Variants in METTL6 observed in about 807,000 individuals in gnomAD.
METTL6 encodes methyltransferase 6, tRNA N3-cytidine, also known as tRNA N(3)-cytidine methyltransferase METTL6.
METTL6 carries 22 observed loss-of-function variants against 26.4 expected under a neutral mutation model. The observed-to-expected ratio is 0.83, with a 90% CI of 0.59 to 1.19. The LOEUF (loss-of-function observed/expected upper bound fraction) is 1.19. Ranked by LOEUF, METTL6 falls within the 50% of genes most tolerant of loss-of-function variation. The pLI is 0.00. For synonymous variants in METTL6, 109 were observed against 116.2 expected, an observed-to-expected ratio of 0.94 and a Z score of 0.40; for missense variants, 304 against 324.8, an observed-to-expected ratio of 0.94 and a Z score of 0.49.
intron 6 of METTL6, among the ~76,000 whole-genome samples, chr3:15,393,811 A>G (rs1249368051): frequency 6.6e-6 from 1 of 152,132 alleles, no homozygotes; most frequent in Non-Finnish European, 1.5e-5. Flanking sequence ...ATTGATTTGC[A>G]TATGTTGAAC....
At chr3:15,401,705 T>C (rs1308304646) in intron 6 of METTL6, among the ~76,000 whole-genome samples, 1 of 152,140 alleles carries the variant, frequency 6.6e-6, no homozygotes. Flanking sequence ...CTAATTATAA[T>C]GTATTAGCAT....
At chr3:15,396,491 ATCAAAG>A (rs1423808846) in intron 6 of METTL6, among the ~76,000 whole-genome samples, 1 of 152,190 alleles carries the variant, frequency 6.6e-6, no homozygotes, top group Non-Finnish European at 1.5e-5. Flanking sequence ...CTCTCAACTC[ATCAAAG>A]TCATTCTCCG....
intron 6 of METTL6, among the ~76,000 whole-genome samples, chr3:15,389,602 C>T (rs112813786): frequency 5.6e-4 from 85 of 151,990 alleles, no homozygotes; most frequent in African/African-American, 1.5e-3. Flanking sequence ...CAGGCTGGAG[C>T]GCAATGGCGC....
intron 5 of METTL6, among the ~76,000 whole-genome samples, chr3:15,413,096 T>C (rs1235690067): frequency 6.6e-6 from 1 of 151,938 alleles, no homozygotes; most frequent in African/African-American, 2.4e-5. Context: ...AATACAAAAA[T>C]TAGTTGGGTG....
Position 15,426,639 on chromosome 3 carries a change from C to T in METTL6, c.-124-4G>A. 2.5e-6 allele frequency: 2 copies of T among 802,936 alleles called. No homozygotes were observed. The highest frequency in any genetic ancestry group is 4.0e-6 in the Non-Finnish European group (2 of 506,058). The allele number at this position is 802,936 out of a possible 1,614,324, so 49.7% of individuals were successfully genotyped here. On this transcript the variant is annotated splice_region_variant and splice_polypyrimidine_tract_variant and intron_variant, in intron 1 of 5. Coordinates refer to ENST00000383790, the MANE Select transcript of METTL6 (RefSeq NM_152396.4). The stretch of plus-strand genomic sequence containing the variant: ...ACGCCTCAAACAGCACAGGGGGCTT[C>T]GCAGAGAAAAGAATTAGATTCTGGT...
chr3:15,383,925 T>C (rs1699128294), exon 7 of METTL6: 2 of 221,906 alleles, frequency 9.0e-6, no homozygotes, highest in South Asian at 9.8e-5. Flanking sequence ...GGAGAATTGG[T>C]TGGAAGTCAG....
At chr3:15,415,220 C>T (rs1434014314) in intron 4 of METTL6, among the ~76,000 whole-genome samples, 2 of 152,228 alleles carry the variant, frequency 1.3e-5, no homozygotes, top group African/African-American at 2.4e-5. Flanking sequence ...CATACATTTT[C>T]TCATTGTATC....
chr3:15,407,583 C>T (rs550649546), downstream of METTL6, among the ~76,000 whole-genome samples: 2 of 152,262 alleles, frequency 1.3e-5, no homozygotes, highest in African/African-American at 4.8e-5. Context: ...GGACAATAAC[C>T]TAGACCTCCT....
chr3:15,407,771 A>G (rs548903962), downstream of METTL6, among the ~76,000 whole-genome samples: 6 of 152,208 alleles, frequency 3.9e-5, no homozygotes, highest in African/African-American at 1.4e-4. Flanking sequence ...GTTAAGCTAT[A>G]TTATCAGAAA....
chr3:15,395,152 C>T (rs1193329275), intron 6 of METTL6, among the ~76,000 whole-genome samples: 1 of 152,180 alleles, frequency 6.6e-6, no homozygotes, highest in Non-Finnish European at 1.5e-5. Context: ...TTGTAGGTCT[C>T]TAAGGACTTG....
chr3:15,422,783 T>C (rs1354203020), intron 3 of METTL6, among the ~76,000 whole-genome samples: 1 of 152,180 alleles, frequency 6.6e-6, no homozygotes, highest in Non-Finnish European at 1.5e-5. Context: ...AATTTTACAA[T>C]GGAGGAATTA....
chr3:15,426,901 G>A (rs1474214965), intron 1 of METTL6, among the ~76,000 whole-genome samples: 1 of 152,204 alleles, frequency 6.6e-6, no homozygotes, highest in African/African-American at 2.4e-5. Context: ...GAAAAAGGAC[G>A]CTCTCAAGAA....
chr3:15,415,459 A>C, intron 4 of METTL6: 1 of 1,548,368 alleles, frequency 6.5e-7, no homozygotes, highest in Middle Eastern at 1.7e-4. Flanking sequence ...ACCTGGCCAA[A>C]CTGTGTACTC....
chr3:15,414,131 C>A lies in METTL6; in HGVS notation c.563G>T (p.Arg188Leu), dbSNP rs373203065. 2 of 1,613,032 alleles carry A rather than the reference C, an allele frequency of 1.2e-6. No homozygotes were observed. Among genetic ancestry groups the A allele is most frequent in the Non-Finnish European group, 1.7e-6 (2 of 1,179,758 alleles). ...GGCATGATCATACAGTCCGTAGTCA[C>A]GAAACAAGACACTTTTGCCTGGTTT... ...VLKPGKSVLF[R>L]DYGLYDHAML... Residue 188 changes from arginine (R) to leucine (L), a missense_variant, in exon 5 of 6, where the codon CGT (arginine) becomes CTT (leucine). Transcript: ENST00000383790.
intron 6 of METTL6, among the ~76,000 whole-genome samples, chr3:15,394,833 G>GT (rs767940255): frequency 2.4e-4 from 37 of 152,270 alleles, no homozygotes; most frequent in Admixed American, 5.2e-4. Context: ...TTAATCCTGA[G>GT]TTCTAGTTTG....
At chr3:15,394,448 G>C (rs1699431858) in intron 6 of METTL6, among the ~76,000 whole-genome samples, 1 of 152,122 alleles carries the variant, frequency 6.6e-6, no homozygotes. Flanking sequence ...CAAAAAACCA[G>C]CTCCTGGATT....
chr3:15,413,215 A>G (rs1395156129), intron 5 of METTL6, among the ~76,000 whole-genome samples: 1 of 152,218 alleles, frequency 6.6e-6, no homozygotes, highest in East Asian at 1.9e-4. Flanking sequence ...ACTGCACTCC[A>G]GCCTGTAAGA....
At chr3:15,396,382 G>A (rs1398556664) in intron 6 of METTL6, among the ~76,000 whole-genome samples, 1 of 152,082 alleles carries the variant, frequency 6.6e-6, no homozygotes, top group East Asian at 1.9e-4. Flanking sequence ...ATTCTAGTTA[G>A]CCATTCGTCT....
chr3:15,398,895 G>C (rs978784067), intron 6 of METTL6, among the ~76,000 whole-genome samples: 1 of 152,100 alleles, frequency 6.6e-6, no homozygotes, highest in African/African-American at 2.4e-5. Flanking sequence ...TTCCCAGGAG[G>C]TTAGGTATTC....
Sources: allele counts gnomAD v4.1 joint callset (sites outside exome capture counted in the v4.1 genomes callset), GRCh38; gene constraint gnomAD v4.1.1; transcripts MANE v1.5; gene names NCBI Gene and HGNC (gene_info 2026-07-23, HGNC 2026-07-21).